The following SDK2 variants were observed in gnomAD, a reference collection of about 807,000 sequenced individuals.
SDK2 encodes the protein protein sidekick-2.
A neutral mutation model predicts 253.9 loss-of-function variants in SDK2; 105 were observed. The ratio of observed to expected loss-of-function variants is 0.41; its 90% CI spans 0.35 to 0.49. The LOEUF is 0.49. Among genes scored for constraint, SDK2 ranks in the 20% least tolerant of loss-of-function variants. SDK2 has a pLI of 0.06. For synonymous variants in SDK2, 1,249 were observed against 1,234.9 expected (o/e 1.01, Z -0.24); for missense variants, 2,608 against 3,003.0 (o/e 0.87, Z 3.07).
At chr17:73,459,132 C>T (rs1269597690) in intron 3 of SDK2, among the ~76,000 whole-genome samples, 1 of 152,178 alleles carries the variant, frequency 6.6e-6, no homozygotes, top group Non-Finnish European at 1.5e-5. Context: ...CCCACCAAGC[C>T]TTTCAACTTC....
intron 2 of SDK2, 118 bp downstream of exon 2, chr17:73,507,320 C>T: frequency 8.9e-7 from 1 of 1,124,886 alleles, no homozygotes; most frequent in South Asian, 1.6e-5. Context: ...TCCAGAACTC[C>T]AGGCTCTAGG....
intron 18 of SDK2, among the ~76,000 whole-genome samples, chr17:73,412,648 G>C (rs2063148786): frequency 6.6e-6 from 1 of 152,094 alleles, no homozygotes; most frequent in Non-Finnish European, 1.5e-5. Context: ...AGGCGCGGTG[G>C]CTCATGCCAG....
chr17:73,381,639 G>C (rs1359885900), intron 33 of SDK2, among the ~76,000 whole-genome samples: 1 of 152,116 alleles, frequency 6.6e-6, no homozygotes, highest in Non-Finnish European at 1.5e-5. Context: ...TCAGCACTTT[G>C]GGAAGCCAAG....
intron 1 of SDK2, among the ~76,000 whole-genome samples, chr17:73,599,942 T>C (rs1034868902): frequency 1.6e-4 from 24 of 152,364 alleles, no homozygotes; most frequent in African/African-American, 5.3e-4. Context: ...CTACGGTTAT[T>C]TGTCAAAGTA....
chr17:73,355,174 A>ATATATATATATATATTTTTTT, intron 40 of SDK2, among the ~76,000 whole-genome samples: 65 of 47,188 alleles, frequency 1.4e-3, no homozygotes, highest in South Asian at 3.6e-3. Context: ...ATATATATAT[A>ATATATATATATATATTTTTTT]TTTTTTTTTT....
chr17:73,433,130 T>G lies in SDK2; in HGVS notation c.1312+602A>C, dbSNP rs184171214. On this transcript the variant is annotated intron_variant, in intron 10 of 44. Coordinates refer to ENST00000392650, the MANE Select transcript of SDK2 (RefSeq NM_001144952.2). ...GGACCCTCACATGCACGCTATAGTCTAGTCTTCACATCACCCTGGGGTATA... is the reference window on the plus strand; with the variant it reads ...GGACCCTCACATGCACGCTATAGTCGAGTCTTCACATCACCCTGGGGTATA... Among the ~76,000 whole-genome samples the G allele has an allele frequency of 4.4e-3, 669 of 152,172 alleles. 4 individuals carry two copies. Among genetic ancestry groups the G allele is most frequent in the African/African-American group, 0.015 (641 of 41,510 alleles).
chr17:73,472,874 C>A (rs1185665739), intron 2 of SDK2, among the ~76,000 whole-genome samples: 1 of 152,182 alleles, frequency 6.6e-6, no homozygotes, highest in African/African-American at 2.4e-5. Flanking sequence ...TTTCCCTGCA[C>A]AAGTTCTCTC....
intron 18 of SDK2, among the ~76,000 whole-genome samples, chr17:73,413,332 A>C (rs778543863): frequency 2.0e-5 from 3 of 151,816 alleles, no homozygotes; most frequent in Non-Finnish European, 2.9e-5. Context: ...GCAGGAAAAC[A>C]AGCTCAGGGC....
rs1176371242 is a variant in SDK2 at position 73,354,523 on chromosome 17, T to A, written c.5594-1886A>T. ...CAGCCTGGCCCTGAGAGAGGGTGCG[T>A]CTTCCTGCTGGTGGCAGTGCGGGGC... On this transcript the variant is annotated intron_variant, in intron 40 of 44. Coordinates refer to ENST00000392650, the MANE Select transcript of SDK2 (RefSeq NM_001144952.2). 2.0e-5 allele frequency among the ~76,000 whole-genome samples: 3 copies of A among 152,192 alleles called. No individual in the cohort carries two copies. The South Asian group carries it at 6.2e-4, about 32-fold the overall frequency.
intron 2 of SDK2, among the ~76,000 whole-genome samples, chr17:73,493,365 C>T (rs1020111545): frequency 6.6e-6 from 1 of 152,204 alleles, no homozygotes; most frequent in Non-Finnish European, 1.5e-5. Flanking sequence ...TTTGCATGTT[C>T]TGTGCGGCAC....
rs61752534 is a variant in SDK2 at position 73,440,889 on chromosome 17, G to C, written c.648C>G (p.Thr216=). 6.7e-3 allele frequency: 10,466 copies of C among 1,551,646 alleles called. 64 individuals carry two copies. The highest frequency in any genetic ancestry group is 0.022 in the Middle Eastern group (131 of 5,988). ...VGGPADPIAP[T]IIIPPKNTSV... ...TGGTGTTTTTAGGTGGGATGATGAT[G>C]GTGGGTGCGATGGGGTCTGCAGGCC... The change falls in exon 6 of 45, where the codon ACC becomes ACG. Residue 216 remains threonine, a synonymous_variant. Coordinates refer to ENST00000392650, the MANE Select transcript of SDK2 (RefSeq NM_001144952.2).
At chr17:73,355,079 CT>C (rs1257490968) in intron 40 of SDK2, among the ~76,000 whole-genome samples, 1 of 149,126 alleles carries the variant, frequency 6.7e-6, no homozygotes, top group East Asian at 2.0e-4. Flanking sequence ...CAGAGCTGTC[CT>C]TGCAGAAGGC....
chr17:73,401,780 C>T (rs778643740), intron 19 of SDK2, 28 bp from the exon 20 acceptor site: 5 of 1,548,202 alleles, frequency 3.2e-6, no homozygotes, highest in Non-Finnish European at 4.4e-6. Context: ...CCCCCACCCC[C>T]CAAGGCCAGT....
intron 2 of SDK2, among the ~76,000 whole-genome samples, chr17:73,495,334 A>G (rs1020129927): frequency 2.6e-5 from 4 of 152,208 alleles, no homozygotes; most frequent in Admixed American, 2.6e-4. Flanking sequence ...CAGCATCTGG[A>G]GACATTTTTG....
chr17:73,564,469 T>G (rs1230829651), intron 1 of SDK2, among the ~76,000 whole-genome samples: 1 of 152,182 alleles, frequency 6.6e-6, no homozygotes, highest in East Asian at 1.9e-4. Flanking sequence ...TTCCACTGGA[T>G]GTACGTGTGA....
chr17:73,410,863 G>A (rs1197932014), intron 18 of SDK2, among the ~76,000 whole-genome samples: 1 of 152,220 alleles, frequency 6.6e-6, no homozygotes, highest in Admixed American at 6.5e-5. Flanking sequence ...CTCTTGCTCT[G>A]GGTCACCATG....
chr17:73,384,569 G>T (rs1474576742), intron 32 of SDK2, among the ~76,000 whole-genome samples: 1 of 152,298 alleles, frequency 6.6e-6, no homozygotes, highest in Non-Finnish European at 1.5e-5. Flanking sequence ...AACCGGCTTC[G>T]GGAGAAGGTG....
At chr17:73,594,218 G>C (rs1325817697) in intron 1 of SDK2, among the ~76,000 whole-genome samples, 1 of 152,140 alleles carries the variant, frequency 6.6e-6, no homozygotes, top group Non-Finnish European at 1.5e-5. Context: ...ATGGGGATTC[G>C]TGGGCTGTAG....
intron 10 of SDK2, among the ~76,000 whole-genome samples, chr17:73,432,197 C>A (rs1165394571): frequency 1.3e-5 from 2 of 152,060 alleles, no homozygotes; most frequent in Admixed American, 6.5e-5. Flanking sequence ...CTGGTCAGGA[C>A]AGACCTCCTT....
Sources: allele counts gnomAD v4.1 joint callset (sites outside exome capture counted in the v4.1 genomes callset), GRCh38; gene constraint gnomAD v4.1.1; transcripts MANE v1.5; gene names NCBI Gene and HGNC (gene_info 2026-07-23, HGNC 2026-07-21).